HEMK2: variants seen among roughly 807,000 people sequenced by gnomAD.
HEMK2 encodes HemK methyltransferase 2, ETF1 glutamine and histone H4 lysine, also known as methyltransferase HEMK2.
chr21:28,803,581 G>A, the HEMK2 span, among the ~76,000 whole-genome samples: 6 of 152,060 alleles, frequency 3.9e-5, no homozygotes, highest in South Asian at 2.1e-4. Flanking sequence ...GCCAAAGAAG[G>A]AAATATATTC....
the HEMK2 span, among the ~76,000 whole-genome samples, chr21:28,713,312 C>G: frequency 1.3e-5 from 2 of 152,288 alleles, no homozygotes; most frequent in Non-Finnish European, 2.9e-5. Context: ...AACATTCACC[C>G]TTACTCCGCC....
chr21:28,793,881 TCTGAAACCACCAGAAG>T, the HEMK2 span, among the ~76,000 whole-genome samples: 1 of 152,096 alleles, frequency 6.6e-6, no homozygotes, highest in African/African-American at 2.4e-5. Context: ...CAAGAGGACA[TCTGAAACCACCAGAAG>T]CTGAAAGAGG....
At chr21:28,642,008 G>T in the HEMK2 span, among the ~76,000 whole-genome samples, 1 of 152,182 alleles carries the variant, frequency 6.6e-6, no homozygotes, top group Non-Finnish European at 1.5e-5. Context: ...TGTACAGATG[G>T]TTCTGAATTC....
the HEMK2 span, among the ~76,000 whole-genome samples, chr21:28,600,843 C>G: frequency 6.6e-6 from 1 of 152,194 alleles, no homozygotes; most frequent in African/African-American, 2.4e-5. Context: ...CCACAAAACT[C>G]TAGGGCAGGG....
At chr21:28,759,354 C>G in the HEMK2 span, among the ~76,000 whole-genome samples, 1 of 152,114 alleles carries the variant, frequency 6.6e-6, no homozygotes, top group East Asian at 1.9e-4. Context: ...TTTGTTTTGG[C>G]CAATTTCTCC....
chr21:28,710,078 G>A, the HEMK2 span, among the ~76,000 whole-genome samples: 1 of 152,252 alleles, frequency 6.6e-6, no homozygotes, highest in South Asian at 2.1e-4. Flanking sequence ...TCCTACTTAT[G>A]ATTTCTGTTT....
chr21:28,597,359 G>C, the HEMK2 span, among the ~76,000 whole-genome samples: 2 of 152,176 alleles, frequency 1.3e-5, no homozygotes, highest in Non-Finnish European at 2.9e-5. Context: ...CAAGAAAAGA[G>C]ACAACACTGG....
At chr21:28,619,387 G>A in the HEMK2 span, among the ~76,000 whole-genome samples, 1 of 152,190 alleles carries the variant, frequency 6.6e-6, no homozygotes, top group Non-Finnish European at 1.5e-5. Flanking sequence ...AATACCATAA[G>A]GTGACATAAA....
chr21:28,796,036 C>T, the HEMK2 span, among the ~76,000 whole-genome samples: 2 of 152,172 alleles, frequency 1.3e-5, no homozygotes, highest in South Asian at 2.1e-4. Context: ...TCTCTGAAAA[C>T]AAATGAGATT....
chr21:28,639,693 T>A, the HEMK2 span, among the ~76,000 whole-genome samples: 1 of 152,244 alleles, frequency 6.6e-6, no homozygotes, highest in African/African-American at 2.4e-5. Flanking sequence ...ATACTTTTAA[T>A]GTCTTTTCCA....
the HEMK2 span, among the ~76,000 whole-genome samples, chr21:28,773,699 C>T: frequency 6.6e-6 from 1 of 152,068 alleles, no homozygotes; most frequent in African/African-American, 2.4e-5. Flanking sequence ...AAGATTAATT[C>T]AAAGACAAGG....
the HEMK2 span, among the ~76,000 whole-genome samples, chr21:28,852,972 C>T: frequency 0.076 from 11,528 of 152,262 alleles, 512 homozygotes; most frequent in African/African-American, 0.11. Context: ...CCTGCCACCT[C>T]GGGATCTAAT....
the HEMK2 span, among the ~76,000 whole-genome samples, chr21:28,778,680 T>C: frequency 6.6e-6 from 1 of 152,236 alleles, no homozygotes; most frequent in Non-Finnish European, 1.5e-5. Context: ...TGGCTAACAA[T>C]GAATATCTTT....
the HEMK2 span, among the ~76,000 whole-genome samples, chr21:28,732,334 G>A: frequency 6.6e-6 from 1 of 152,228 alleles, no homozygotes; most frequent in East Asian, 1.9e-4. Context: ...CAGTGCCACT[G>A]TGTGCCAGGC....
At chr21:28,690,001 C>G in the HEMK2 span, among the ~76,000 whole-genome samples, 1 of 152,128 alleles carries the variant, frequency 6.6e-6, no homozygotes, top group African/African-American at 2.4e-5. Context: ...TTCACAGTTC[C>G]TCATGGCTGG....
the HEMK2 span, among the ~76,000 whole-genome samples, chr21:28,712,901 C>A: frequency 6.6e-6 from 1 of 152,060 alleles, no homozygotes; most frequent in Admixed American, 6.5e-5. Context: ...TCATGGCAAA[C>A]CTACTATTTT....
the HEMK2 span, among the ~76,000 whole-genome samples, chr21:28,760,296 A>G: frequency 1.3e-5 from 2 of 152,352 alleles, no homozygotes; most frequent in South Asian, 2.1e-4. Context: ...AGCCCATGCT[A>G]TATCAAGGCC....
chr21:28,792,900 C>A, the HEMK2 span, among the ~76,000 whole-genome samples: 1 of 152,150 alleles, frequency 6.6e-6, no homozygotes, highest in African/African-American at 2.4e-5. Flanking sequence ...GCATCAGTAT[C>A]TTCTAAAGCT....
At chr21:28,878,390 A>G in the HEMK2 span, 1 of 1,593,790 alleles carries the variant, frequency 6.3e-7, no homozygotes, top group Non-Finnish European at 8.6e-7. Context: ...TAGATCACAA[A>G]CTGAATCTTT....
Sources: gnomAD v4.1 joint callset for allele counts (sites outside exome capture counted in the v4.1 genomes callset) on GRCh38, gnomAD v4.1.1 for gene constraint, MANE v1.5 for transcripts, NCBI Gene and HGNC (gene_info 2026-07-23, HGNC 2026-07-21) for gene names.